Variants in ABCC1 observed in about 807,000 individuals in gnomAD.
ABCC1 encodes the protein multidrug resistance-associated protein 1.
Under a neutral mutation model 172.9 loss-of-function variants are expected in ABCC1, and 83 were observed. The observed-to-expected ratio is 0.48, with a 90% CI of 0.40 to 0.58. The LOEUF is 0.58. Among genes scored for constraint, ABCC1 ranks in the 20% least tolerant of loss-of-function variants. ABCC1 has a pLI of 0.00. For synonymous variants in ABCC1, 937 were observed against 825.2 expected (o/e 1.14, Z -2.32); for missense variants, 1,817 against 2,002.7 (o/e 0.91, Z 1.77).
At chr16:16,004,861 T>TG (rs60059825) in intron 1 of ABCC1, among the ~76,000 whole-genome samples, 74,868 of 150,764 alleles carry the variant, frequency 0.5, 19,445 homozygotes, top group Non-Finnish European at 0.59. Context: ...TATGTTTTTA[T>TG]GGGGGGTTCT....
At chr16:16,082,763 T>C (rs1379422639) in intron 16 of ABCC1, among the ~76,000 whole-genome samples, 1 of 152,160 alleles carries the variant, frequency 6.6e-6, no homozygotes, top group Non-Finnish European at 1.5e-5. Context: ...TCCTCCCACC[T>C]CAGCCTCCCA....
intron 7 of ABCC1, among the ~76,000 whole-genome samples, chr16:16,040,889 A>G (rs779281144): frequency 4.6e-5 from 7 of 152,120 alleles, no homozygotes; most frequent in East Asian, 1.9e-4. Flanking sequence ...AGGGCTGTCC[A>G]TGAAGTCCCT....
intron 3 of ABCC1, among the ~76,000 whole-genome samples, chr16:16,010,135 C>G (rs1045452000): frequency 7.1e-6 from 1 of 140,166 alleles, no homozygotes; most frequent in South Asian, 2.3e-4. Context: ...CCTCAAACTT[C>G]TGGCCTCAAG....
rs111601005 is a variant in ABCC1, at chr16:16,143,032, T to TA, written c.*1758dup. 1.2e-4 allele frequency: 18 copies of TA among 152,030 alleles called. No individual in the cohort carries two copies. Among genetic ancestry groups the TA allele is most frequent in the Middle Eastern group, 3.4e-3 (1 of 292 alleles). 9.4% of individuals were successfully genotyped at this position (152,030 alleles called of 1,614,324 possible). ...ACACTGGAAATGCGAACATTTGCAG[T>TA]AAAAAAATATATATATATCTATATA... is the stretch of plus-strand genomic sequence containing the variant. On this transcript the variant is annotated 3_prime_UTR_variant, in exon 31 of 31. Transcript: ENST00000399410.
intron 23 of ABCC1, among the ~76,000 whole-genome samples, chr16:16,115,499 C>T (rs2044822346): frequency 6.6e-6 from 1 of 152,068 alleles, no homozygotes; most frequent in Non-Finnish European, 1.5e-5. Context: ...GTGCGCACCA[C>T]CACGGCCGGC....
chr16:16,018,744 T>C (rs919328702), intron 5 of ABCC1, among the ~76,000 whole-genome samples: 4 of 152,026 alleles, frequency 2.6e-5, no homozygotes, highest in African/African-American at 9.7e-5. Flanking sequence ...TATATGCGTG[T>C]ATGTGCTTAT....
chr16:16,125,752 A>T, intron 25 of ABCC1, 58 bp from the exon 26 acceptor site: 8 of 1,260,262 alleles, frequency 6.3e-6, no homozygotes, highest in African/African-American at 1.5e-5. Context: ...AAAAAGAAAA[A>T]GGAAAGTCAA....
At chr16:16,014,739 G>A (rs2047931051) in intron 4 of ABCC1, 111 bp downstream of exon 4, 2 of 1,293,950 alleles carry the variant, frequency 1.5e-6, no homozygotes, top group South Asian at 1.4e-5. Context: ...CAGGGGCTGG[G>A]TACCACATGC....
intron 1 of ABCC1, among the ~76,000 whole-genome samples, chr16:15,994,960 A>G (rs77170529): frequency 0.11 from 16,633 of 151,412 alleles, 980 homozygotes; most frequent in Middle Eastern, 0.15. Flanking sequence ...GTGAAACTCC[A>G]TCTGTACTAA....
chr16:15,987,230 G>A lies in ABCC1; in HGVS notation c.49-20586G>A, dbSNP rs370686975. Among the ~76,000 whole-genome samples, 7 of 152,190 alleles carry A rather than the reference G, an allele frequency of 4.6e-5. No individual in the cohort carries two copies. The East Asian group carries it at 7.7e-4, about 17-fold the overall frequency. Reference sequence around the variant, plus strand: ...GGATCTGGAAGTTTTACTAGTAGTGGTATTTATTGAGCACCTACTGTGTGC... The same window carrying A: ...GGATCTGGAAGTTTTACTAGTAGTGATATTTATTGAGCACCTACTGTGTGC... On this transcript the variant is annotated intron_variant, in intron 1 of 30. Transcript: ENST00000399410.
intron 4 of ABCC1, among the ~76,000 whole-genome samples, chr16:16,016,060 TC>T (rs1299563887): frequency 1.5e-4 from 22 of 151,124 alleles, no homozygotes; most frequent in Non-Finnish European, 1.5e-4. Context: ...TGCCATTACA[TC>T]CCGGGGGGAG....
At position 16,010,273 on chromosome 16, in the gene ABCC1, T is replaced by TTA. The variant is rs1156343979; in HGVS notation, c.351+373_351+374dup. Among the ~76,000 whole-genome samples, 3 of 152,052 alleles carry TTA rather than the reference T, an allele frequency of 2.0e-5. 1 individual carries two copies. The highest frequency in any genetic ancestry group is 4.4e-5 in the Non-Finnish European group (3 of 68,010). On this transcript the variant is annotated intron_variant, in intron 3 of 30. Transcript: ENST00000399410. The stretch of plus-strand genomic sequence containing the variant: ...TCTCACTGTGTTGTCTAGGCTGGTC[T>TTA]TAGACTCCTGGCCTCAAGTGATCCT...
At chr16:16,087,939 A>G (rs1165938052) in intron 18 of ABCC1, among the ~76,000 whole-genome samples, 3 of 152,194 alleles carry the variant, frequency 2.0e-5, no homozygotes, top group Non-Finnish European at 4.4e-5. Flanking sequence ...CCACGTATAT[A>G]TACAGGAAAC....
intron 5 of ABCC1, among the ~76,000 whole-genome samples, chr16:16,027,863 C>A (rs961406664): frequency 2.6e-5 from 4 of 152,184 alleles, no homozygotes; most frequent in African/African-American, 9.7e-5. Context: ...CCAGAGGCTA[C>A]TGTCACTGCT....
At chr16:15,955,187 C>G (rs2045963807) in intron 1 of ABCC1, among the ~76,000 whole-genome samples, 2 of 152,206 alleles carry the variant, frequency 1.3e-5, no homozygotes, top group Non-Finnish European at 2.9e-5. Flanking sequence ...GAAAACCTGT[C>G]TCAACTAAAA....
rs574294726 is a variant in ABCC1, at chr16:15,982,279, G to C, written c.49-25537G>C. On this transcript the variant is annotated intron_variant, in intron 1 of 30. Transcript: ENST00000399410. Reference sequence around the variant, plus strand: ...TACTGTATTAGTTTGTTCTCACGCTGCTATAAAGAACTGCCCAAGACTGGG... The same window carrying C: ...TACTGTATTAGTTTGTTCTCACGCTCCTATAAAGAACTGCCCAAGACTGGG... Among the ~76,000 whole-genome samples the C allele has an allele frequency of 5.3e-5, 8 of 152,204 alleles. No homozygotes were observed. The East Asian group carries it at 5.8e-4, about 11-fold the overall frequency.
In ABCC1 at chr16:16,112,535, G is replaced by A. The variant is rs2044662834; in HGVS notation, c.3079+953G>A. Among the ~76,000 whole-genome samples, 3 of 152,268 alleles carry A rather than the reference G, an allele frequency of 2.0e-5. No homozygotes were observed. The South Asian group carries it at 6.2e-4, about 32-fold the overall frequency. ...TGTTTTAACTTATTTTATCCTTGCA[G>A]CAGTCCTGTGAGGTAGGAGTTAATA... is the stretch of plus-strand genomic sequence containing the variant. On this transcript the variant is annotated intron_variant, in intron 22 of 30. Transcript: ENST00000399410.
rs953793933 is a variant in ABCC1, at chr16:15,995,855, A to G, written c.49-11961A>G. Reference sequence around the variant, plus strand: ...GCTACTTTTAAATTTTTTTATTTGTAGAAGGTGGGGAGTCTCACTCCATTG... The same window carrying G: ...GCTACTTTTAAATTTTTTTATTTGTGGAAGGTGGGGAGTCTCACTCCATTG... On this transcript the variant is annotated intron_variant, in intron 1 of 30. Transcript: ENST00000399410. 2.6e-5 allele frequency among the ~76,000 whole-genome samples: 4 copies of G among 151,748 alleles called. No individual in the cohort carries two copies. The East Asian group carries it at 7.7e-4, about 29-fold the overall frequency.
chr16:16,076,060 G>A, intron 14 of ABCC1: 1 of 502,376 alleles, frequency 2.0e-6, no homozygotes, highest in South Asian at 2.9e-5. Flanking sequence ...CATCTCCCAA[G>A]ATGATCGTCC....
Sources: allele counts gnomAD v4.1 joint callset (sites outside exome capture counted in the v4.1 genomes callset), GRCh38; gene constraint gnomAD v4.1.1; transcripts MANE v1.5; gene names NCBI Gene and HGNC (gene_info 2026-07-23, HGNC 2026-07-21).